The following SLCO1B3 variants were observed in gnomAD, a reference collection of about 807,000 sequenced individuals.
The protein encoded by SLCO1B3 is solute carrier organic anion transporter family member 1B3.
Under a neutral mutation model 71.8 loss-of-function variants are expected in SLCO1B3, and 72 were observed. That is an observed-to-expected ratio of 1.00 (90% CI 0.83 to 1.22). The LOEUF (loss-of-function observed/expected upper bound fraction) is 1.22. SLCO1B3 is among the 50% of genes most tolerant of loss of function. The probability of loss-of-function intolerance (pLI) is 0.00; values close to 1 mark genes in which losing one functional copy is unlikely to be tolerated. For missense variants in SLCO1B3, 911 were observed against 819.7 expected (o/e 1.11, Z -1.36); for synonymous variants, 298 against 278.4 (o/e 1.07, Z -0.70).
intron 15 of SLCO1B3, among the ~76,000 whole-genome samples, chr12:20,912,349 T>A (rs1866397701): frequency 7.0e-6 from 1 of 142,338 alleles, no homozygotes; most frequent in Non-Finnish European, 1.5e-5. Context: ...TTATTTATTT[T>A]GAGACCGTCT....
At chr12:20,898,267 G>C (rs1351678839) in intron 13 of SLCO1B3, among the ~76,000 whole-genome samples, 169 bp from the exon 14 acceptor site, 1 of 151,956 alleles carries the variant, frequency 6.6e-6, no homozygotes, top group Non-Finnish European at 1.5e-5. Context: ...TATCACTCAG[G>C]TGTTTACCTT....
chr12:20,900,442 C>G (rs1866106167), intron 14 of SLCO1B3, among the ~76,000 whole-genome samples: 1 of 152,044 alleles, frequency 6.6e-6, no homozygotes, highest in South Asian at 2.1e-4. Context: ...TGATGTCCCT[C>G]AAAATTTTGA....
Position 20,831,229 on chromosome 12 carries a change from C to T in SLCO1B3, c.84+15407C>T, listed in dbSNP as rs374688653. Among the ~76,000 whole-genome samples, 170 of 151,994 alleles carry T rather than the reference C, an allele frequency of 1.1e-3. 4 individuals are homozygous for T. In the South Asian group the frequency reaches 0.033, roughly 30 times the overall value. On this transcript the variant is annotated intron_variant, in intron 3 of 15. Coordinates refer to ENST00000381545, the MANE Select transcript of SLCO1B3 (RefSeq NM_019844.4). ...CAAATTATCCGGGCGTGGTGGCACG[C>T]GCCTGTAGTTCCAGCTACTTAGGAG...
At chr12:20,841,266 G>A (rs2121172057) in intron 3 of SLCO1B3, among the ~76,000 whole-genome samples, 1 of 152,074 alleles carries the variant, frequency 6.6e-6, no homozygotes. Flanking sequence ...TCGGTTTAGT[G>A]TTTTACTTGA....
chr12:20,912,288 ATTTTAT>A (rs1565611300), intron 15 of SLCO1B3, among the ~76,000 whole-genome samples: 1 of 149,290 alleles, frequency 6.7e-6, no homozygotes, highest in African/African-American at 2.5e-5. Flanking sequence ...AATTTCTTCT[ATTTTAT>A]TTTTATTTTT....
intron 13 of SLCO1B3, among the ~76,000 whole-genome samples, chr12:20,887,916 C>T (rs992309777): frequency 1.3e-5 from 2 of 151,570 alleles, no homozygotes; most frequent in Non-Finnish European, 3.0e-5. Flanking sequence ...GTGAGAGATA[C>T]GGGTTCAATT....
At chr12:20,812,349 A>G (rs189954159) in intron 1 of SLCO1B3, among the ~76,000 whole-genome samples, 1 of 152,196 alleles carries the variant, frequency 6.6e-6, no homozygotes, top group East Asian at 1.9e-4. Flanking sequence ...AACAGAAAAA[A>G]GTAATGATTA....
rs1006708034 is a variant in SLCO1B3 at position 20,909,165 on chromosome 12, C to CTTTT, written c.1866-6824_1866-6821dup. Among the ~76,000 whole-genome samples, 8 of 123,898 alleles carry CTTTT rather than the reference C, an allele frequency of 6.5e-5. No individual in the cohort carries two copies. In the South Asian group the frequency reaches 1.3e-3, roughly 21 times the overall value. 81.3% of individuals were successfully genotyped at this position (123,898 alleles called of 152,430 possible). A position where few individuals can be genotyped will look rare whatever the true frequency, so the allele number is the denominator to read the frequency against. ...GACATAAGATGTGAAGCATCTTTTT[C>CTTTT]TTTTTTTTTTTTTTTTTTGAGACAG... is the stretch of plus-strand genomic sequence containing the variant. On this transcript the variant is annotated intron_variant, in intron 15 of 15. Transcript: ENST00000381545.
intron 8 of SLCO1B3, among the ~76,000 whole-genome samples, chr12:20,872,985 G>T (rs1439588716): frequency 6.6e-6 from 1 of 152,112 alleles, no homozygotes; most frequent in Non-Finnish European, 1.5e-5. Context: ...AGTATGCAGG[G>T]TCTTATCAGC....
intron 13 of SLCO1B3, among the ~76,000 whole-genome samples, chr12:20,894,517 A>C (rs1865965177): frequency 6.6e-6 from 1 of 152,130 alleles, no homozygotes; most frequent in African/African-American, 2.4e-5. Flanking sequence ...AGTCTCCTGC[A>C]TGCCACCCCT....
At chr12:20,849,480 G>C (rs951578356) in intron 3 of SLCO1B3, among the ~76,000 whole-genome samples, 5 of 151,984 alleles carry the variant, frequency 3.3e-5, no homozygotes, top group African/African-American at 1.2e-4. Context: ...TTTTGTCCCT[G>C]TAATTAAAAA....
intron 4 of SLCO1B3, among the ~76,000 whole-genome samples, chr12:20,856,334 C>T (rs1328210803): frequency 6.6e-6 from 1 of 152,068 alleles, no homozygotes; most frequent in East Asian, 1.9e-4. Flanking sequence ...GTATAGATGA[C>T]CCTCTGTATC....
intron 3 of SLCO1B3, among the ~76,000 whole-genome samples, chr12:20,816,820 G>A (rs530983333): frequency 2.6e-5 from 4 of 152,240 alleles, no homozygotes; most frequent in East Asian, 1.9e-4. Flanking sequence ...TACCAACAGT[G>A]TACAAGGAAT....
In SLCO1B3 at chr12:20,874,236, G is replaced by A. The variant is rs150468390; in HGVS notation, c.728-999G>A. Among the ~76,000 whole-genome samples the A allele has an allele frequency of 1.6e-4, 24 of 152,234 alleles. No homozygotes were observed. In the East Asian group the frequency reaches 4.6e-3, roughly 29 times the overall value. Reference sequence around the variant, plus strand: ...CATTCGCTCTGTGTTAAGCCAGAGGGAAGAGCTGTGTCAAGTGTTCACATG... The same window carrying A: ...CATTCGCTCTGTGTTAAGCCAGAGGAAAGAGCTGTGTCAAGTGTTCACATG... On this transcript the variant is annotated intron_variant, in intron 8 of 15. Coordinates refer to ENST00000381545, the MANE Select transcript of SLCO1B3 (RefSeq NM_019844.4).
intron 3 of SLCO1B3, among the ~76,000 whole-genome samples, chr12:20,847,703 A>G (rs183651687): frequency 6.6e-6 from 1 of 152,000 alleles, no homozygotes; most frequent in East Asian, 1.9e-4. Context: ...CAGAAAATAT[A>G]TATATATATA....
rs897590112 is a variant in SLCO1B3 at position 20,846,603 on chromosome 12, T to C, written c.85-8425T>C. Among the ~76,000 whole-genome samples the C allele has an allele frequency of 3.9e-5, 6 of 151,986 alleles. No homozygotes were observed. In the East Asian group the frequency reaches 1.2e-3, roughly 29 times the overall value. ...AAAAGAGGAGAGTGTCTGAAACAAA[T>C]CCCTGGAAGAACAGGGGATAACCAG... On this transcript the variant is annotated intron_variant, in intron 3 of 15. Transcript: ENST00000381545.
At chr12:20,873,643 G>A (rs745492962) in intron 8 of SLCO1B3, among the ~76,000 whole-genome samples, 1 of 152,182 alleles carries the variant, frequency 6.6e-6, no homozygotes, top group Non-Finnish European at 1.5e-5. Flanking sequence ...TACATGTGCA[G>A]AATGTACAGG....
chr12:20,879,009 T>A lies in SLCO1B3; in HGVS notation c.1136-427T>A, dbSNP rs537154842. Among the ~76,000 whole-genome samples, 8 of 152,174 alleles carry A rather than the reference T, an allele frequency of 5.3e-5. No individual in the cohort carries two copies. In the South Asian group the frequency reaches 1.2e-3, roughly 24 times the overall value. ...TAGAAATCTCAGAGAAAGAAAGATT[T>A]TGTTTTTGTTGTTGATTGCCAGAAA... On this transcript the variant is annotated intron_variant, in intron 10 of 15. Coordinates refer to ENST00000381545, the MANE Select transcript of SLCO1B3 (RefSeq NM_019844.4).
At chr12:20,912,355 C>T (rs1037860168) in intron 15 of SLCO1B3, among the ~76,000 whole-genome samples, 7 of 144,640 alleles carry the variant, frequency 4.8e-5, no homozygotes, top group Non-Finnish European at 1.0e-4. Context: ...ATTTTGAGAC[C>T]GTCTTGCTCT....
Sources: allele counts gnomAD v4.1 joint callset (sites outside exome capture counted in the v4.1 genomes callset), GRCh38; gene constraint gnomAD v4.1.1; transcripts MANE v1.5; gene names NCBI Gene and HGNC (gene_info 2026-07-23, HGNC 2026-07-21).